BCKDHB: variants seen among roughly 807,000 people sequenced by gnomAD.
BCKDHB encodes branched chain keto acid dehydrogenase E1 subunit beta, also known as 2-oxoisovalerate dehydrogenase subunit beta, mitochondrial.
In BCKDHB, 41 loss-of-function variants were observed where a neutral mutation model predicts 48.5. The observed-to-expected ratio is 0.85, with a 90% CI of 0.66 to 1.10. BCKDHB has a LOEUF of 1.10. Among genes scored for constraint, BCKDHB ranks in the 50% least tolerant of loss-of-function variants. BCKDHB has a pLI of 0.00. For synonymous variants in BCKDHB, 201 were observed against 174.8 expected (o/e 1.15, Z -1.18); for missense variants, 496 against 494.2 (o/e 1.00, Z -0.03).
At chr6:80,425,050 G>C in the BCKDHB span, among the ~76,000 whole-genome samples, 2,455 of 152,254 alleles carry the variant, frequency 0.016, 79 homozygotes, top group African/African-American at 0.055. Context: ...GTCTGAAAAA[G>C]ACTTTTCCCA....
chr6:80,118,514 C>G (rs373484633), intron 1 of BCKDHB, among the ~76,000 whole-genome samples: 9 of 151,210 alleles, frequency 6.0e-5, no homozygotes, highest in African/African-American at 1.9e-4. Context: ...GTGGCTGTGG[C>G]AACTTCATTA....
chr6:80,371,332 G>A, the BCKDHB span, among the ~76,000 whole-genome samples: 1 of 151,790 alleles, frequency 6.6e-6, no homozygotes. Context: ...TTTTTTGATG[G>A]AATTGTTTTT....
chr6:80,424,309 A>C, the BCKDHB span, among the ~76,000 whole-genome samples: 2 of 152,162 alleles, frequency 1.3e-5, no homozygotes, highest in African/African-American at 4.8e-5. Flanking sequence ...TTAAACTTCA[A>C]AGCACGCTTT....
At chr6:80,167,289 T>C (rs1455394979) in intron 3 of BCKDHB, among the ~76,000 whole-genome samples, 1 of 152,148 alleles carries the variant, frequency 6.6e-6, no homozygotes, top group African/African-American at 2.4e-5. Context: ...AGTTTGTGTT[T>C]CCTTTCAAAT....
At chr6:80,167,884 C>T (rs958989070) in intron 4 of BCKDHB, 73 bp downstream of exon 4, 2 of 1,415,752 alleles carry the variant, frequency 1.4e-6, no homozygotes, top group African/African-American at 2.8e-5. Flanking sequence ...CTTCCACCCA[C>T]CCTTACCTGC....
chr6:80,299,061 T>A (rs562900509), intron 9 of BCKDHB, among the ~76,000 whole-genome samples: 57 of 55,756 alleles, frequency 1.0e-3, no homozygotes, highest in African/African-American at 4.6e-3. Context: ...TGAGAGGTAC[T>A]TTACTGAAAG....
chr6:80,311,291 T>A (rs1220331188), intron 9 of BCKDHB, among the ~76,000 whole-genome samples: 1 of 152,178 alleles, frequency 6.6e-6, no homozygotes, highest in African/African-American at 2.4e-5. Flanking sequence ...AACCTCTTTG[T>A]TTTGTAAATT....
At chr6:80,283,252 A>G (rs1766450491) in intron 9 of BCKDHB, among the ~76,000 whole-genome samples, 2 of 152,108 alleles carry the variant, frequency 1.3e-5, no homozygotes, top group Non-Finnish European at 2.9e-5. Flanking sequence ...TGATACTAAC[A>G]TTGGGTTCAC....
At chr6:80,128,581 T>G (rs1407147686) in intron 2 of BCKDHB, among the ~76,000 whole-genome samples, 1 of 152,128 alleles carries the variant, frequency 6.6e-6, no homozygotes, top group East Asian at 1.9e-4. Context: ...CCTTTCCTAT[T>G]TGTGACTGTT....
chr6:80,408,991 C>T, the BCKDHB span, among the ~76,000 whole-genome samples: 1 of 152,040 alleles, frequency 6.6e-6, no homozygotes, highest in Non-Finnish European at 1.5e-5. Context: ...ATCTTTCTTG[C>T]TTTCTTTTGC....
chr6:80,266,252 A>G (rs1777509332), intron 8 of BCKDHB, among the ~76,000 whole-genome samples: 1 of 152,128 alleles, frequency 6.6e-6, no homozygotes, highest in Non-Finnish European at 1.5e-5. Flanking sequence ...AGTTTATGAA[A>G]ATGTTTTTAA....
intron 9 of BCKDHB, among the ~76,000 whole-genome samples, chr6:80,335,890 G>T (rs917262043): frequency 2.0e-5 from 3 of 151,966 alleles, no homozygotes. Context: ...TTACCTTTAT[G>T]ATTGCTAATT....
At chr6:80,186,791 C>G (rs75417628) in intron 6 of BCKDHB, among the ~76,000 whole-genome samples, 2,180 of 152,312 alleles carry the variant, frequency 0.014, 50 homozygotes, top group African/African-American at 0.049. Flanking sequence ...CAGGGCGCTT[C>G]CCGCTCCTTC....
intron 9 of BCKDHB, among the ~76,000 whole-genome samples, chr6:80,274,913 C>T (rs1777906670): frequency 1.3e-5 from 2 of 151,904 alleles, no homozygotes; most frequent in Admixed American, 1.3e-4. Context: ...TTAGTGAATC[C>T]TAGTTTGAGA....
At position 80,107,474 on chromosome 6, in the gene BCKDHB, T is replaced by C. The variant is rs563111704; in HGVS notation, c.196+585T>C. On this transcript the variant is annotated intron_variant, in intron 1 of 9. Coordinates refer to ENST00000320393, the MANE Select transcript of BCKDHB (RefSeq NM_183050.4). ...ATATCCACACACATATATATATGTG[T>C]GGATATATATACGCGCATATATATG... is the stretch of plus-strand genomic sequence containing the variant. Among the ~76,000 whole-genome samples the C allele has an allele frequency of 4.4e-5, 6 of 135,250 alleles. 1 individual carries two copies. In the South Asian group the frequency reaches 6.5e-4, roughly 15 times the overall value. The allele number at this position is 135,250 out of a possible 152,430, so 88.7% of individuals were successfully genotyped here. A position where few individuals can be genotyped will look rare whatever the true frequency, so the allele number is the denominator to read the frequency against.
At position 80,143,787 on chromosome 6, in the gene BCKDHB, C is replaced by T. The variant is rs528167747; in HGVS notation, c.343+14558C>T. 2.0e-5 allele frequency among the ~76,000 whole-genome samples: 3 copies of T among 152,276 alleles called. No individual in the cohort carries two copies. The East Asian group carries it at 5.8e-4, about 29-fold the overall frequency. ...ATCCTGCCATCCTTCCCCTCTAGAT[C>T]CTCTGGCCACCAGCCAGAAGTGGTG... On this transcript the variant is annotated intron_variant, in intron 3 of 9. Transcript: ENST00000320393.
At chr6:80,408,926 G>C in the BCKDHB span, among the ~76,000 whole-genome samples, 1 of 151,424 alleles carries the variant, frequency 6.6e-6, no homozygotes, top group Non-Finnish European at 1.5e-5. Flanking sequence ...TTTTGAGTTT[G>C]TTTGCTCTTG....
At chr6:80,369,937 T>C in the BCKDHB span, among the ~76,000 whole-genome samples, 1 of 64,868 alleles carries the variant, frequency 1.5e-5, no homozygotes, top group African/African-American at 3.3e-5. Context: ...TTATGATATG[T>C]TATAGTAATC....
At chr6:80,379,092 TA>T in the BCKDHB span, among the ~76,000 whole-genome samples, 1 of 151,998 alleles carries the variant, frequency 6.6e-6, no homozygotes. Context: ...ACTCATTCTA[TA>T]AATCCGGTGT....
Sources: gnomAD v4.1 joint callset for allele counts (sites outside exome capture counted in the v4.1 genomes callset) on GRCh38, gnomAD v4.1.1 for gene constraint, MANE v1.5 for transcripts, NCBI Gene and HGNC (gene_info 2026-07-23, HGNC 2026-07-21) for gene names.